The following CAST variants were observed in gnomAD, a reference collection of about 807,000 sequenced individuals.
The protein encoded by CAST is calpastatin, also known as MIR583 host.
CAST carries 76 observed loss-of-function variants against 119.6 expected under a neutral mutation model. That is an observed-to-expected ratio of 0.64 (90% CI 0.53 to 0.77). CAST has a LOEUF of 0.77. Among genes scored for constraint, CAST ranks in the 30% least tolerant of loss-of-function variants. The probability of loss-of-function intolerance (pLI) is 0.00; values close to 1 mark genes in which losing one functional copy is unlikely to be tolerated. For synonymous variants in CAST, 319 were observed against 331.6 expected, an observed-to-expected ratio of 0.96 and a Z score of 0.41; for missense variants, 953 against 946.5, an observed-to-expected ratio of 1.01 and a Z score of -0.09.
chr5:95,980,887 G>A, the CAST span, among the ~76,000 whole-genome samples: 1 of 152,066 alleles, frequency 6.6e-6, no homozygotes, highest in Non-Finnish European at 1.5e-5. Context: ...TCAGAGGCAG[G>A]TAAGAGACTC....
chr5:96,699,137 G>A (rs1250976121), intron 3 of CAST, among the ~76,000 whole-genome samples: 1 of 152,164 alleles, frequency 6.6e-6, no homozygotes, highest in African/African-American at 2.4e-5. Flanking sequence ...GTGAAGATGA[G>A]GCTGCGGAAA....
chr5:96,718,632 G>C (rs532174512), intron 3 of CAST, among the ~76,000 whole-genome samples: 63 of 152,198 alleles, frequency 4.1e-4, no homozygotes, highest in African/African-American at 1.4e-3. Context: ...AGGGAACCCA[G>C]GGCTCCTAAA....
the CAST span, among the ~76,000 whole-genome samples, chr5:96,422,356 T>G: frequency 6.6e-6 from 1 of 152,184 alleles, no homozygotes; most frequent in Non-Finnish European, 1.5e-5. Context: ...CTCATCTCTC[T>G]TATGAATATA....
chr5:96,573,771 T>C (rs943006353), intron 1 of CAST, among the ~76,000 whole-genome samples: 1 of 152,216 alleles, frequency 6.6e-6, no homozygotes, highest in Non-Finnish European at 1.5e-5. Context: ...CTTGTGCCCC[T>C]TCTCAGACAA....
the CAST span, among the ~76,000 whole-genome samples, chr5:95,982,623 C>G: frequency 6.6e-6 from 1 of 152,116 alleles, no homozygotes; most frequent in Admixed American, 6.6e-5. Flanking sequence ...AATAGTGCCT[C>G]GCAGAGTGTG....
At chr5:96,091,786 G>A in the CAST span, among the ~76,000 whole-genome samples, 11 of 152,252 alleles carry the variant, frequency 7.2e-5, no homozygotes, top group Middle Eastern at 3.4e-3. Flanking sequence ...TTACAGGCAT[G>A]AGCCATCGTA....
chr5:96,228,024 TG>T, the CAST span, among the ~76,000 whole-genome samples: 1 of 151,222 alleles, frequency 6.6e-6, no homozygotes, highest in Non-Finnish European at 1.5e-5. Context: ...TGTGTGTGTG[TG>T]TGCACGCACA....
chr5:95,967,212 G>A, the CAST span, among the ~76,000 whole-genome samples: 1 of 152,062 alleles, frequency 6.6e-6, no homozygotes, highest in African/African-American at 2.4e-5. Context: ...TGGACCAAAT[G>A]CCATCAGCCT....
At chr5:96,575,551 C>A (rs527983565) in intron 1 of CAST, among the ~76,000 whole-genome samples, 58 of 149,268 alleles carry the variant, frequency 3.9e-4, no homozygotes, top group African/African-American at 1.4e-3. Context: ...TAGATGCTAT[C>A]TATCAAAATG....
chr5:96,471,042 G>A, the CAST span, among the ~76,000 whole-genome samples: 3 of 152,158 alleles, frequency 2.0e-5, no homozygotes, highest in Admixed American at 1.3e-4. Context: ...CAATAGTCCT[G>A]CAGCCAGATT....
At chr5:96,479,177 G>A in the CAST span, among the ~76,000 whole-genome samples, 1 of 152,078 alleles carries the variant, frequency 6.6e-6, no homozygotes, top group Non-Finnish European at 1.5e-5. Context: ...CTCTTCCCAC[G>A]GCACTTGGAC....
the CAST span, among the ~76,000 whole-genome samples, chr5:96,015,863 TCATC>T: frequency 6.6e-6 from 1 of 152,160 alleles, no homozygotes; most frequent in Admixed American, 6.5e-5. Context: ...GTGGGGAACT[TCATC>T]CAGGCTTGTT....
chr5:96,574,630 T>G (rs1746634534), intron 1 of CAST, among the ~76,000 whole-genome samples: 1 of 152,164 alleles, frequency 6.6e-6, no homozygotes, highest in Non-Finnish European at 1.5e-5. Flanking sequence ...TTCTCAAATT[T>G]TCCTTGTGTT....
chr5:96,479,153 C>T, the CAST span, among the ~76,000 whole-genome samples: 1 of 152,180 alleles, frequency 6.6e-6, no homozygotes, highest in East Asian at 1.9e-4. Context: ...ATGCTGACAC[C>T]TGCTTAGTAC....
chr5:96,169,429 T>C, the CAST span, among the ~76,000 whole-genome samples: 5,153 of 152,220 alleles, frequency 0.034, 292 homozygotes, highest in African/African-American at 0.12. Context: ...GGAGAGTATA[T>C]GGGTTTGGCA....
At chr5:96,445,009 T>C in the CAST span, among the ~76,000 whole-genome samples, 26 of 152,320 alleles carry the variant, frequency 1.7e-4, no homozygotes, top group African/African-American at 5.5e-4. Context: ...AGTCTTTAAG[T>C]CTTTCCTCTT....
chr5:96,104,505 T>C, the CAST span, among the ~76,000 whole-genome samples: 1 of 152,082 alleles, frequency 6.6e-6, no homozygotes, highest in African/African-American at 2.4e-5. Flanking sequence ...CTTTCCCCAT[T>C]GCTTGTTTTT....
chr5:95,969,710 C>G, the CAST span, among the ~76,000 whole-genome samples: 1 of 152,068 alleles, frequency 6.6e-6, no homozygotes, highest in East Asian at 1.9e-4. Flanking sequence ...CTACTAGCTT[C>G]AAGTTTGGTT....
intron 1 of CAST, among the ~76,000 whole-genome samples, chr5:96,634,136 T>C (rs2150202311): frequency 6.6e-6 from 1 of 152,354 alleles, no homozygotes; most frequent in Non-Finnish European, 1.5e-5. Context: ...TACTTACTAA[T>C]CTTCTGTAAG....
Sources: gnomAD v4.1 joint callset for allele counts (sites outside exome capture counted in the v4.1 genomes callset) on GRCh38, gnomAD v4.1.1 for gene constraint, MANE v1.5 for transcripts, NCBI Gene and HGNC (gene_info 2026-07-23, HGNC 2026-07-21) for gene names.